Variants in CSMD1 observed in about 807,000 individuals in gnomAD.
CSMD1 encodes the protein CUB and Sushi multiple domains 1.
CSMD1 carries 213 observed loss-of-function variants against 417.5 expected under a neutral mutation model. The observed-to-expected ratio is 0.51, with a 90% CI of 0.46 to 0.57. The LOEUF is 0.57. Ranked by LOEUF, CSMD1 falls within the 20% of genes least tolerant of loss-of-function variation. The probability of loss-of-function intolerance (pLI) is 0.00; values close to 1 mark genes in which losing one functional copy is unlikely to be tolerated. For synonymous variants in CSMD1, 2,862 were observed against 1,736.8 expected (o/e 1.65, Z -16.11); for missense variants, 6,923 against 4,529.7 (o/e 1.53, Z -15.17).
At chr8:3,291,389 G>C (rs906232294) in intron 25 of CSMD1, among the ~76,000 whole-genome samples, 7 of 151,916 alleles carry the variant, frequency 4.6e-5, no homozygotes, top group African/African-American at 1.5e-4. Flanking sequence ...TGGAATAATT[G>C]AATAAGGATT....
intron 5 of CSMD1, among the ~76,000 whole-genome samples, chr8:3,940,807 C>A (rs1459701000): frequency 6.6e-6 from 1 of 151,206 alleles, no homozygotes; most frequent in Non-Finnish European, 1.5e-5. Context: ...AAGACTATAA[C>A]AAATATCTTA....
At chr8:4,855,932 C>T (rs374755283) in intron 1 of CSMD1, among the ~76,000 whole-genome samples, 59 of 149,492 alleles carry the variant, frequency 3.9e-4, no homozygotes, top group Non-Finnish European at 6.3e-4. Context: ...AGATACTCCT[C>T]GAGAAGAGCA....
At chr8:4,400,409 C>T (rs1035465805) in intron 3 of CSMD1, among the ~76,000 whole-genome samples, 1 of 152,220 alleles carries the variant, frequency 6.6e-6, no homozygotes. Context: ...GTTCCAGGAG[C>T]ATATGTTTGT....
intron 23 of CSMD1, among the ~76,000 whole-genome samples, chr8:3,318,949 AAC>A (rs1310737104): frequency 6.6e-6 from 1 of 152,140 alleles, no homozygotes; most frequent in Non-Finnish European, 1.5e-5. Context: ...AAAACATACA[AAC>A]ACACACACAT....
intron 42 of CSMD1, 53 bp from the exon 43 acceptor site, chr8:3,110,388 A>G (rs769361078): frequency 9.0e-6 from 13 of 1,442,220 alleles, no homozygotes; most frequent in Admixed American, 5.2e-5. Context: ...TTTAGAGAGT[A>G]GAAAGCTAAA....
intron 5 of CSMD1, among the ~76,000 whole-genome samples, chr8:3,925,531 A>G (rs566188798): frequency 9.2e-5 from 14 of 152,338 alleles, no homozygotes; most frequent in African/African-American, 3.1e-4. Context: ...CAAAACTTCC[A>G]GAATTCCCAG....
Position 3,772,474 on chromosome 8 carries a change from T to C in CSMD1, c.819-18432A>G, listed in dbSNP as rs1424671271. ...ACATATATATACATATATACACATA[T>C]ATATACATATATACACATATATACA... On this transcript the variant is annotated intron_variant, in intron 5 of 69. Coordinates refer to ENST00000635120, the MANE Select transcript of CSMD1 (RefSeq NM_033225.6). Among the ~76,000 whole-genome samples the C allele has an allele frequency of 3.1e-4, 11 of 35,104 alleles. 1 individual carries two copies. Among genetic ancestry groups the C allele is most frequent in the African/African-American group, 7.6e-4 (9 of 11,800 alleles). 23.0% of individuals were successfully genotyped at this position (35,104 alleles called of 152,430 possible). A position where few individuals can be genotyped will look rare whatever the true frequency, so the allele number is the denominator to read the frequency against.
chr8:4,407,079 C>T (rs1805077888), intron 3 of CSMD1, among the ~76,000 whole-genome samples: 1 of 152,140 alleles, frequency 6.6e-6, no homozygotes. Flanking sequence ...CAAGTATTGT[C>T]TATGGCGCTT....
At chr8:3,550,457 T>C (rs759410979) in intron 10 of CSMD1, among the ~76,000 whole-genome samples, 3 of 152,202 alleles carry the variant, frequency 2.0e-5, no homozygotes, top group African/African-American at 4.8e-5. Context: ...AGTTTTTTAA[T>C]TGACACATGG....
intron 3 of CSMD1, among the ~76,000 whole-genome samples, chr8:4,154,663 T>C (rs1796738640): frequency 6.6e-6 from 1 of 152,332 alleles, no homozygotes. Context: ...TCTAGTCCCT[T>C]AGTTGATAAC....
intron 5 of CSMD1, among the ~76,000 whole-genome samples, chr8:3,975,237 C>T (rs778247192): frequency 6.6e-6 from 1 of 152,166 alleles, no homozygotes; most frequent in Non-Finnish European, 1.5e-5. Context: ...TATGCCATTA[C>T]TTGCTTCGTT....
At chr8:4,077,125 G>C (rs1399878177) in intron 3 of CSMD1, among the ~76,000 whole-genome samples, 2 of 151,624 alleles carry the variant, frequency 1.3e-5, no homozygotes, top group African/African-American at 4.8e-5. Flanking sequence ...TGATGAGTAT[G>C]ATGAAGTCAA....
chr8:4,662,812 G>C (rs189441940), intron 1 of CSMD1, among the ~76,000 whole-genome samples: 1 of 152,142 alleles, frequency 6.6e-6, no homozygotes, highest in African/African-American at 2.4e-5. Flanking sequence ...TGACAAACGA[G>C]TGCCCACATC....
intron 3 of CSMD1, among the ~76,000 whole-genome samples, chr8:4,316,591 G>C (rs1024034767): frequency 6.6e-5 from 10 of 151,982 alleles, no homozygotes; most frequent in African/African-American, 2.2e-4. Context: ...CGAGTCCTAA[G>C]ACTTGGTGTA....
intron 3 of CSMD1, among the ~76,000 whole-genome samples, chr8:4,054,856 A>G (rs571143660): frequency 2.3e-4 from 35 of 152,256 alleles, no homozygotes; most frequent in Admixed American, 9.8e-4. Context: ...TTTGGAGAGA[A>G]TGTATTGAAA....
intron 7 of CSMD1, among the ~76,000 whole-genome samples, chr8:3,645,430 G>T (rs1387578810): frequency 6.6e-6 from 1 of 152,218 alleles, no homozygotes; most frequent in African/African-American, 2.4e-5. Context: ...GGTCTCAGAG[G>T]AAGGGGAAAG....
chr8:4,050,542 T>G (rs1312305994), intron 3 of CSMD1, among the ~76,000 whole-genome samples: 1 of 152,180 alleles, frequency 6.6e-6, no homozygotes, highest in African/African-American at 2.4e-5. Flanking sequence ...TTTAAGCATT[T>G]ATTCTTCATG....
At chr8:3,980,410 T>A (rs942163060) in intron 5 of CSMD1, among the ~76,000 whole-genome samples, 1 of 152,194 alleles carries the variant, frequency 6.6e-6, no homozygotes, top group African/African-American at 2.4e-5. Flanking sequence ...TAAAATATTC[T>A]TCCCACTTCT....
intron 3 of CSMD1, among the ~76,000 whole-genome samples, chr8:4,329,728 T>A (rs1799762374): frequency 6.6e-6 from 1 of 152,148 alleles, no homozygotes; most frequent in African/African-American, 2.4e-5. Flanking sequence ...GGGAGGTATC[T>A]GGACTATGGG....
Sources: gnomAD v4.1 joint callset for allele counts (sites outside exome capture counted in the v4.1 genomes callset) on GRCh38, gnomAD v4.1.1 for gene constraint, MANE v1.5 for transcripts, NCBI Gene and HGNC (gene_info 2026-07-23, HGNC 2026-07-21) for gene names.